Variants in CES1 observed in about 807,000 individuals in gnomAD.
CES1 encodes liver carboxylesterase 1.
In CES1, 50 loss-of-function variants were observed where a neutral mutation model predicts 53.0. The ratio of observed to expected loss-of-function variants is 0.94; its 90% CI spans 0.75 to 1.19. The LOEUF (loss-of-function observed/expected upper bound fraction) is 1.19, where lower values mean the gene tolerates loss of function less well. CES1 is among the 50% of genes most tolerant of loss of function. The probability of loss-of-function intolerance (pLI) is 0.00; values close to 1 mark genes in which losing one functional copy is unlikely to be tolerated. For synonymous variants in CES1, 202 were observed against 210.1 expected, an observed-to-expected ratio of 0.96 and a Z score of 0.33; for missense variants, 534 against 538.0, an observed-to-expected ratio of 0.99 and a Z score of 0.07.
chr16:55,821,122 C>T (rs571069665), intron 5 of CES1, among the ~76,000 whole-genome samples: 180 of 151,958 alleles, frequency 1.2e-3, no homozygotes, highest in Non-Finnish European at 1.8e-3. Context: ...AGGAGAATGC[C>T]ACCATTGCAG....
intron 1 of CES1, among the ~76,000 whole-genome samples, chr16:55,831,215 A>G (rs13330195): frequency 0.032 from 4,873 of 151,806 alleles, 282 homozygotes; most frequent in African/African-American, 0.11. Context: ...ATCCATCAGA[A>G]TAGGGGAGAG....
At position 55,821,877 on chromosome 16, in the gene CES1, T is replaced by G. The variant is rs1278878239; in HGVS notation, c.540-356A>C. ...ATGATGTCAGGTAGTCAAAGTGCAC[T>G]GAGGTAAATACAATGGAGTAAGGAA... On this transcript the variant is annotated intron_variant, in intron 4 of 13. Transcript: ENST00000360526. 3.3e-5 allele frequency among the ~76,000 whole-genome samples: 5 copies of G among 152,076 alleles called. No individual in the cohort carries two copies. In the East Asian group the frequency reaches 7.7e-4, roughly 23 times the overall value.
intron 8 of CES1, among the ~76,000 whole-genome samples, chr16:55,813,834 G>C (rs577244809): frequency 6.6e-6 from 1 of 152,200 alleles, no homozygotes; most frequent in Non-Finnish European, 1.5e-5. Flanking sequence ...CAGAACACAC[G>C]GCACTAAATA....
At chr16:55,812,733 G>A (rs542869192) in intron 9 of CES1, among the ~76,000 whole-genome samples, 170 bp downstream of exon 9, 13 of 152,286 alleles carry the variant, frequency 8.5e-5, no homozygotes, top group African/African-American at 2.9e-4. Context: ...ATACCCCGGT[G>A]AAAACTGTGC....
At chr16:55,815,951 C>T (rs556883665) in intron 8 of CES1, among the ~76,000 whole-genome samples, 10 of 152,412 alleles carry the variant, frequency 6.6e-5, no homozygotes, top group Admixed American at 6.5e-4. Flanking sequence ...AGTCTGTCCC[C>T]ACACTCGGTC....
chr16:55,814,084 A>G (rs1389695869), intron 8 of CES1, among the ~76,000 whole-genome samples: 1 of 152,200 alleles, frequency 6.6e-6, no homozygotes, highest in East Asian at 1.9e-4. Context: ...TATGCTATCT[A>G]TCTGTATTTA....
At chr16:55,827,054 A>G (rs2032445217) in intron 2 of CES1, among the ~76,000 whole-genome samples, 1 of 152,166 alleles carries the variant, frequency 6.6e-6, no homozygotes, top group African/African-American at 2.4e-5. Context: ...AGGTAGATCC[A>G]TGCCATGTGG....
intron 1 of CES1, among the ~76,000 whole-genome samples, chr16:55,830,824 AGGC>A (rs1413971787): frequency 1.0e-4 from 15 of 147,444 alleles, no homozygotes; most frequent in South Asian, 2.2e-4. Context: ...GAAGGAAGGC[AGGC>A]AGGCAGGCAG....
chr16:55,818,209 G>T (rs2032031276), intron 7 of CES1, among the ~76,000 whole-genome samples: 1 of 152,206 alleles, frequency 6.6e-6, no homozygotes, highest in Admixed American at 6.5e-5. Flanking sequence ...ATGGCCCTGG[G>T]TGCTGTGTCA....
chr16:55,810,429 T>G, intron 11 of CES1, 88 bp downstream of exon 11: 1 of 1,553,252 alleles, frequency 6.4e-7, no homozygotes, highest in East Asian at 2.2e-5. Flanking sequence ...CTCAGCTGTT[T>G]CCATGTCTGT....
intron 11 of CES1, among the ~76,000 whole-genome samples, chr16:55,809,231 G>C (rs2031576793): frequency 6.6e-6 from 1 of 152,114 alleles, no homozygotes; most frequent in African/African-American, 2.4e-5. Flanking sequence ...TAGGGCAAGG[G>C]CAAGTTTAAG....
At chr16:55,826,797 C>A (rs1180309663) in intron 2 of CES1, among the ~76,000 whole-genome samples, 1 of 152,178 alleles carries the variant, frequency 6.6e-6, no homozygotes, top group Non-Finnish European at 1.5e-5. Context: ...GATTCTACCA[C>A]CTGCCTCTCC....
At chr16:55,823,370 A>G (rs2032283625) in intron 4 of CES1, among the ~76,000 whole-genome samples, 180 bp downstream of exon 4, 1 of 152,084 alleles carries the variant, frequency 6.6e-6, no homozygotes, top group Non-Finnish European at 1.5e-5. Flanking sequence ...GCAAAAGCTC[A>G]GAGGCAAGTG....
Position 55,830,482 on chromosome 16 carries a change from G to A in CES1, c.53-1508C>T, listed in dbSNP as rs200695008. Among the ~76,000 whole-genome samples the A allele has an allele frequency of 1.3e-3, 199 of 152,136 alleles. 1 individual carries two copies. Among genetic ancestry groups the A allele is most frequent in the South Asian group, 2.7e-3 (13 of 4,820 alleles). ...TAAATAAAAAAAGAAAAAATATGTA[G>A]AAATATGATGATGTCTAAAAGGTAT... is the stretch of plus-strand genomic sequence containing the variant. On this transcript the variant is annotated intron_variant, in intron 1 of 13. Transcript: ENST00000360526.
chr16:55,813,018 A>T lies in CES1; in HGVS notation c.971T>A (p.Ile324Asn). 6.2e-7 allele frequency: 1 copy of T among 1,614,002 alleles called. No homozygotes were observed. Among genetic ancestry groups the T allele is most frequent in the East Asian group, 2.2e-5 (1 of 44,878 alleles). Reference sequence around the variant, plus strand: ...TGTTTTCAGCAGCAGCATCCCATCAATCACAGTGCCCAGAAGGGGTTGACT... The same window carrying T: ...TGTTTTCAGCAGCAGCATCCCATCATTCACAGTGCCCAGAAGGGGTTGACT... ...RESQPLLGTV[I>N]DGMLLLKTPE... is the part of the protein sequence containing the mutation. Residue 324 changes from isoleucine to asparagine, a missense_variant, in exon 9 of 14, where the codon ATT (isoleucine) becomes AAT (asparagine). Coordinates refer to ENST00000360526, the MANE Select transcript of CES1 (RefSeq NM_001025195.2).
chr16:55,821,786 C>T (rs2032209904), intron 4 of CES1, among the ~76,000 whole-genome samples: 1 of 152,154 alleles, frequency 6.6e-6, no homozygotes, highest in Non-Finnish European at 1.5e-5. Flanking sequence ...ACAGGCAAAA[C>T]CTGTGATGAC....
chr16:55,832,466 T>C (rs9921399), intron 1 of CES1, among the ~76,000 whole-genome samples: 38,868 of 151,934 alleles, frequency 0.26, 5,366 homozygotes, highest in East Asian at 0.49. Flanking sequence ...CTGCCAAGAG[T>C]GCTTTAGAAA....
intron 1 of CES1, among the ~76,000 whole-genome samples, chr16:55,832,509 T>C (rs1355240000): frequency 6.6e-6 from 1 of 152,210 alleles, no homozygotes; most frequent in Non-Finnish European, 1.5e-5. Flanking sequence ...CAAAGCCCAG[T>C]GAGGTAGGCA....
intron 1 of CES1, 42 bp from the exon 2 acceptor site, chr16:55,829,016 G>T: frequency 1.9e-6 from 3 of 1,561,306 alleles, no homozygotes; most frequent in East Asian, 2.4e-5. Flanking sequence ...GAGGCAAAAG[G>T]CTGGACCCAG....
Sources: allele counts gnomAD v4.1 joint callset (sites outside exome capture counted in the v4.1 genomes callset), GRCh38; gene constraint gnomAD v4.1.1; transcripts MANE v1.5; gene names NCBI Gene and HGNC (gene_info 2026-07-23, HGNC 2026-07-21).